Variants in ANK3 observed in about 807,000 individuals in gnomAD.
ANK3 encodes the protein ankyrin-3.
ANK3 carries 57 observed loss-of-function variants against 370.9 expected under a neutral mutation model. That is an observed-to-expected ratio of 0.15 (90% CI 0.12 to 0.19). The LOEUF (loss-of-function observed/expected upper bound fraction) is 0.19. Ranked by LOEUF, ANK3 falls within the 10% of genes least tolerant of loss-of-function variation. The pLI, the probability that ANK3 is intolerant of heterozygous loss-of-function variation, is 1.00. For missense variants in ANK3, 4,439 were observed against 5,302.1 expected (o/e 0.84, Z 5.06); for synonymous variants, 1,929 against 1,946.3 (o/e 0.99, Z 0.23).
intron 23 of ANK3, among the ~76,000 whole-genome samples, chr10:60,157,306 G>C (rs1422206910): frequency 6.7e-6 from 1 of 149,594 alleles, no homozygotes; most frequent in South Asian, 2.1e-4. Flanking sequence ...CAAAGTGCTG[G>C]GACTACAGGC....
At chr10:60,118,406 C>T (rs1219959104) in intron 25 of ANK3, among the ~76,000 whole-genome samples, 2 of 152,096 alleles carry the variant, frequency 1.3e-5, no homozygotes, top group African/African-American at 4.8e-5. Flanking sequence ...ATTTAATGAG[C>T]GAGGACACAT....
At chr10:60,647,173 T>C (rs1362628283) in intron 1 of ANK3, among the ~76,000 whole-genome samples, 1 of 152,204 alleles carries the variant, frequency 6.6e-6, no homozygotes, top group Non-Finnish European at 1.5e-5. Context: ...GTATAACATG[T>C]TATGCCTAAC....
At chr10:60,408,143 A>T (rs1254905011) in intron 2 of ANK3, among the ~76,000 whole-genome samples, 1 of 152,082 alleles carries the variant, frequency 6.6e-6, no homozygotes, top group African/African-American at 2.4e-5. Context: ...CCTAAGAAAC[A>T]CTCTTACCAT....
At chr10:60,275,362 T>C (rs995169066) in intron 4 of ANK3, among the ~76,000 whole-genome samples, 1 of 152,174 alleles carries the variant, frequency 6.6e-6, no homozygotes, top group African/African-American at 2.4e-5. Flanking sequence ...GCATGCTGTC[T>C]AATACACATC....
intron 2 of ANK3, among the ~76,000 whole-genome samples, chr10:60,554,704 T>C (rs1305725588): frequency 6.6e-6 from 1 of 152,182 alleles, no homozygotes; most frequent in African/African-American, 2.4e-5. Context: ...TTAAAAATAA[T>C]AGCAAAAACC....
chr10:60,706,689 A>G (rs1024803105), intron 1 of ANK3, among the ~76,000 whole-genome samples: 1 of 151,640 alleles, frequency 6.6e-6, no homozygotes, highest in African/African-American at 2.4e-5. Flanking sequence ...ATGTTTGTGT[A>G]ATAAAGCTTT....
At chr10:60,583,176 T>TA (rs373258696) in intron 2 of ANK3, among the ~76,000 whole-genome samples, 9 of 151,994 alleles carry the variant, frequency 5.9e-5, no homozygotes, top group African/African-American at 2.2e-4. Flanking sequence ...TATTCAACCA[T>TA]AAAAAAAGGA....
intron 2 of ANK3, among the ~76,000 whole-genome samples, chr10:60,593,563 C>CT (rs2133295779): frequency 6.6e-6 from 1 of 152,070 alleles, no homozygotes; most frequent in East Asian, 1.9e-4. Context: ...AAATCATGAC[C>CT]TTTGAGGTTT....
intron 43 of ANK3, among the ~76,000 whole-genome samples, chr10:60,038,941 C>T (rs776137875): frequency 2.4e-4 from 36 of 152,272 alleles, no homozygotes; most frequent in Non-Finnish European, 4.4e-4. Flanking sequence ...CTGATGAGGT[C>T]TTAGCTTAAA....
intron 1 of ANK3, among the ~76,000 whole-genome samples, chr10:60,649,633 C>G (rs978235206): frequency 1.2e-4 from 18 of 152,284 alleles, no homozygotes; most frequent in African/African-American, 4.3e-4. Flanking sequence ...TAAGGCAGAG[C>G]CTTTTAAACT....
intron 18 of ANK3, among the ~76,000 whole-genome samples, chr10:60,177,723 G>A (rs1408691617): frequency 6.7e-6 from 1 of 150,040 alleles, no homozygotes. Flanking sequence ...TCAGCCTCCC[G>A]AGTAGCTGGG....
intron 11 of ANK3, 137 bp downstream of exon 11, chr10:60,205,655 C>G (rs1442158171): frequency 3.1e-6 from 2 of 638,416 alleles, no homozygotes; most frequent in African/African-American, 3.6e-5. Context: ...AGCCCTCTTC[C>G]TAAAGAGTTC....
At chr10:60,111,123 G>T (rs2092679981) in intron 26 of ANK3, among the ~76,000 whole-genome samples, 1 of 152,184 alleles carries the variant, frequency 6.6e-6, no homozygotes, top group African/African-American at 2.4e-5. Flanking sequence ...TTGATGGGTG[G>T]ATAGATAGGT....
At position 60,044,713 on chromosome 10, in the gene ANK3, C is replaced by T. The variant is rs558290815; in HGVS notation, c.13066-1954G>A. 3 of 152,292 alleles carry T rather than the reference C, an allele frequency of 2.0e-5. No individual in the cohort carries two copies. The South Asian group carries it at 6.2e-4, about 32-fold the overall frequency. The allele number at this position is 152,292 out of a possible 1,614,324, so 9.4% of individuals were successfully genotyped here. Reference sequence around the variant, plus strand: ...CGTCTCACTTTAAGCACTGTTTCTTCATTAGTTCTACCGAATCTCTAGAGA... The same window carrying T: ...CGTCTCACTTTAAGCACTGTTTCTTTATTAGTTCTACCGAATCTCTAGAGA... On this transcript the variant is annotated intron_variant, in intron 42 of 43. Transcript: ENST00000280772.
intron 2 of ANK3, among the ~76,000 whole-genome samples, chr10:60,398,515 T>C (rs2063289762): frequency 6.6e-6 from 1 of 152,192 alleles, no homozygotes; most frequent in African/African-American, 2.4e-5. Context: ...TGTGGATGTG[T>C]GTATTCACAT....
rs371591429 is a variant in ANK3 at position 60,069,243 on chromosome 10, G to A, written c.11638C>T (p.His3880Tyr). Residue 3880 changes from histidine to tyrosine, a missense_variant, in exon 37 of 44, where the codon CAT becomes TAT. Around this residue, in one of 13 missense-constraint regions of ANK3, gnomAD observed 496 missense variants for 529.3 expected, o/e 0.94. Transcript: ENST00000280772. ...TTACTTGCTTTAGTGTTTGACATAT[G>A]GTTCGGTGGGAAGGTATCTTTTGGT... is the stretch of plus-strand genomic sequence containing the variant. Reference protein sequence around the residue: ...TSPKDTFPPNHMSNTKASKMK... With the variant: ...TSPKDTFPPNYMSNTKASKMK... 1.7e-5 allele frequency: 27 copies of A among 1,614,036 alleles called. No individual in the cohort carries two copies. Among genetic ancestry groups the A allele is most frequent in the Non-Finnish European group, 2.3e-5 (27 of 1,180,028 alleles).
intron 1 of ANK3, among the ~76,000 whole-genome samples, chr10:60,705,989 A>C (rs1183858399): frequency 6.6e-6 from 1 of 151,584 alleles, no homozygotes; most frequent in African/African-American, 2.4e-5. Flanking sequence ...TGCCTGGCTA[A>C]TTTTTGTATT....
intron 1 of ANK3, among the ~76,000 whole-genome samples, chr10:60,342,102 C>T (rs559777213): frequency 1.1e-4 from 17 of 152,190 alleles, no homozygotes; most frequent in East Asian, 5.8e-4. Flanking sequence ...TGTTCCATTT[C>T]GTGTGCTTGC....
chr10:60,082,580 A>AG, intron 34 of ANK3, 35 bp downstream of exon 34: 2 of 1,603,624 alleles, frequency 1.2e-6, no homozygotes, highest in Admixed American at 3.5e-5. Context: ...CTTCAAGACC[A>AG]GGGAAAGACA....
Sources: gnomAD v4.1 joint callset for allele counts (sites outside exome capture counted in the v4.1 genomes callset) on GRCh38, gnomAD v4.1.1 for gene constraint, gnomAD v4.1.1 regional missense constraint, MANE v1.5 for transcripts, NCBI Gene and HGNC (gene_info 2026-07-23, HGNC 2026-07-21) for gene names.